ITGA8: variants seen among roughly 807,000 people sequenced by gnomAD.
The protein encoded by ITGA8 is integrin subunit alpha 8.
Under a neutral mutation model 142.3 loss-of-function variants are expected in ITGA8, and 91 were observed. The ratio of observed to expected loss-of-function variants is 0.64; its 90% CI spans 0.54 to 0.76. The LOEUF (loss-of-function observed/expected upper bound fraction) is 0.76. Among genes scored for constraint, ITGA8 ranks in the 30% least tolerant of loss-of-function variants. The probability of loss-of-function intolerance (pLI) is 0.00; values close to 1 mark genes in which losing one functional copy is unlikely to be tolerated. For synonymous variants in ITGA8, 505 were observed against 485.2 expected (o/e 1.04, Z -0.54); for missense variants, 1,406 against 1,327.7 (o/e 1.06, Z -0.92).
intron 11 of ITGA8, among the ~76,000 whole-genome samples, chr10:15,651,253 G>A (rs939843163): frequency 1.3e-5 from 2 of 152,002 alleles, no homozygotes; most frequent in African/African-American, 4.8e-5. Flanking sequence ...ATCTCCATTT[G>A]TTGTTAACAG....
At chr10:15,655,255 G>A (rs917120291) in intron 11 of ITGA8, 99 bp downstream of exon 11, 19 of 769,636 alleles carry the variant, frequency 2.5e-5, no homozygotes, top group Non-Finnish European at 3.8e-5. Context: ...CCTCTATCTT[G>A]TTGAGGCAAT....
intron 27 of ITGA8, among the ~76,000 whole-genome samples, chr10:15,543,844 C>G (rs2131553676): frequency 6.6e-6 from 1 of 152,126 alleles, no homozygotes; most frequent in Admixed American, 6.5e-5. Context: ...TGAGACTGTA[C>G]TGGGATTAGG....
Position 15,684,344 on chromosome 10 carries a change from C to CA in ITGA8, c.445-218dup, listed in dbSNP as rs201236352. On this transcript the variant is annotated intron_variant, in intron 3 of 29. Coordinates refer to ENST00000378076, the MANE Select transcript of ITGA8 (RefSeq NM_003638.3). ...AGAATTGGTGAAAATTAAATACATG[C>CA]AAAAAAAAATGAGTTTTCTGACAAT... 1.0e-3 allele frequency among the ~76,000 whole-genome samples: 148 copies of CA among 144,924 alleles called. 1 individual carries two copies. The highest frequency in any genetic ancestry group is 2.3e-3 in the African/African-American group (90 of 39,592).
Position 15,672,617 on chromosome 10 carries a change from G to A in ITGA8, c.802+7C>T. ...AAACCACAAATGTCTTGGGCAATGG[G>A]TCTTACCAAGGTAACTGTCATCATA... is the stretch of plus-strand genomic sequence containing the variant. On this transcript the variant is annotated splice_region_variant and intron_variant, in intron 7 of 29. Coordinates refer to ENST00000378076, the MANE Select transcript of ITGA8 (RefSeq NM_003638.3). 1 of 1,611,016 alleles carries A rather than the reference G, an allele frequency of 6.2e-7. No homozygotes were observed. Among genetic ancestry groups the A allele is most frequent in the Non-Finnish European group, 8.5e-7 (1 of 1,178,822 alleles).
chr10:15,537,833 A>G (rs1314810160), intron 27 of ITGA8, among the ~76,000 whole-genome samples: 5 of 152,118 alleles, frequency 3.3e-5, no homozygotes, highest in Admixed American at 2.0e-4. Flanking sequence ...AAAAGTAACA[A>G]TTGGCTGGGC....
At chr10:15,581,902 G>C (rs182127488) in intron 23 of ITGA8, among the ~76,000 whole-genome samples, 3 of 152,256 alleles carry the variant, frequency 2.0e-5, no homozygotes, top group African/African-American at 7.2e-5. Context: ...GTAATTCAGT[G>C]GGGGGAAAAA....
intron 20 of ITGA8, among the ~76,000 whole-genome samples, chr10:15,598,962 A>C (rs966505457): frequency 3.9e-5 from 6 of 152,202 alleles, no homozygotes; most frequent in Admixed American, 1.3e-4. Flanking sequence ...AATCATACAG[A>C]GATGCTTTGT....
At chr10:15,687,652 T>C (rs45542331) in intron 3 of ITGA8, among the ~76,000 whole-genome samples, 4 of 152,258 alleles carry the variant, frequency 2.6e-5, no homozygotes, top group Non-Finnish European at 5.9e-5. Context: ...AGCACTATAA[T>C]ATTTTACCAC....
chr10:15,717,795 A>G (rs190011984), intron 2 of ITGA8, among the ~76,000 whole-genome samples: 90 of 152,372 alleles, frequency 5.9e-4, no homozygotes, highest in African/African-American at 2.0e-3. Context: ...AATTATAGTA[A>G]CAAGTAAACA....
At chr10:15,559,104 A>G (rs148196816) in intron 25 of ITGA8, among the ~76,000 whole-genome samples, 1 of 152,350 alleles carries the variant, frequency 6.6e-6, no homozygotes, top group Admixed American at 6.5e-5. Context: ...ATCACAAAAG[A>G]TGAAATGAGA....
intron 13 of ITGA8, among the ~76,000 whole-genome samples, chr10:15,640,755 T>C (rs1220066931): frequency 1.3e-5 from 2 of 152,152 alleles, no homozygotes; most frequent in African/African-American, 4.8e-5. Context: ...CCTGTGCGTG[T>C]CTGAGTCCTA....
Position 15,608,251 on chromosome 10 carries a change from G to T in ITGA8, c.1593C>A (p.Ser531Arg), listed in dbSNP as rs1395373897. ...LRVCASVTGQSIANTIVLMAE... is the reference protein window; with the variant it reads ...LRVCASVTGQRIANTIVLMAE... ...CATGCTTACCTATTGTGTTTGCAATGCTCTGGCCTGTGACAGATGCACATA... is the reference window on the plus strand; with the variant it reads ...CATGCTTACCTATTGTGTTTGCAATTCTCTGGCCTGTGACAGATGCACATA... Residue 531 changes from serine to arginine, a missense_variant, in exon 16 of 30, where the codon AGC becomes AGA. Coordinates refer to ENST00000378076, the MANE Select transcript of ITGA8 (RefSeq NM_003638.3). 2 of 1,597,648 alleles carry T rather than the reference G, an allele frequency of 1.3e-6. No individual in the cohort carries two copies. The highest frequency in any genetic ancestry group is 1.7e-6 in the Non-Finnish European group (2 of 1,172,680).
Position 15,687,873 on chromosome 10 carries a change from C to G in ITGA8, c.444+65G>C, listed in dbSNP as rs1834859687. On this transcript the variant is annotated intron_variant, in intron 3 of 29. Transcript: ENST00000378076. ...AGGAAAGAGCTTTCCTAAACATGAG[C>G]TTGAAAACATTCCAGTGCACACCAT... is the stretch of plus-strand genomic sequence containing the variant. 3 of 964,714 alleles carry G rather than the reference C, an allele frequency of 3.1e-6. No homozygotes were observed. The Admixed American group carries it at 5.2e-5, about 17-fold the overall frequency. The allele number at this position is 964,714 out of a possible 1,614,324, so 59.8% of individuals were successfully genotyped here.
chr10:15,622,338 A>C (rs1203519608), intron 13 of ITGA8, among the ~76,000 whole-genome samples: 1 of 146,170 alleles, frequency 6.8e-6, no homozygotes, highest in Admixed American at 7.0e-5. Flanking sequence ...ATCTGTTCCC[A>C]AAAATGCCAT....
chr10:15,608,387 C>G, intron 15 of ITGA8, 97 bp from the exon 16 acceptor site: 1 of 672,398 alleles, frequency 1.5e-6, no homozygotes, highest in Non-Finnish European at 2.5e-6. Flanking sequence ...ATCATTTTCT[C>G]TATATATTTC....
At chr10:15,522,762 A>G (rs1833094340) in intron 28 of ITGA8, among the ~76,000 whole-genome samples, 1 of 152,224 alleles carries the variant, frequency 6.6e-6, no homozygotes, top group Non-Finnish European at 1.5e-5. Context: ...CTGTAATCCC[A>G]GCACTTTGGG....
chr10:15,711,327 G>A (rs989749838), intron 2 of ITGA8, among the ~76,000 whole-genome samples: 4 of 152,054 alleles, frequency 2.6e-5, no homozygotes, highest in African/African-American at 9.7e-5. Flanking sequence ...AGGGATCTTT[G>A]TCTTTACACC....
At chr10:15,711,294 A>C (rs1432677798) in intron 2 of ITGA8, among the ~76,000 whole-genome samples, 1 of 152,178 alleles carries the variant, frequency 6.6e-6, no homozygotes, top group Non-Finnish European at 1.5e-5. Context: ...AGCCTTACTT[A>C]GGAGCGGTGG....
intron 6 of ITGA8, among the ~76,000 whole-genome samples, chr10:15,673,792 C>T (rs932742741): frequency 3.3e-5 from 5 of 149,456 alleles, no homozygotes; most frequent in African/African-American, 1.3e-4. Context: ...TCCATGGGCA[C>T]CAACATTGAC....
Sources: gnomAD v4.1 joint callset for allele counts (sites outside exome capture counted in the v4.1 genomes callset) on GRCh38, gnomAD v4.1.1 for gene constraint, MANE v1.5 for transcripts, NCBI Gene and HGNC (gene_info 2026-07-23, HGNC 2026-07-21) for gene names.